The following EPHA10 variants were observed in gnomAD, a reference collection of about 807,000 sequenced individuals.
EPHA10 encodes the protein EPH receptor A10.
Under a neutral mutation model 109.7 loss-of-function variants are expected in EPHA10, and 120 were observed. The ratio of observed to expected loss-of-function variants is 1.09; its 90% CI spans 0.94 to 1.27. EPHA10 has a LOEUF of 1.27. EPHA10 is among the 50% of genes most tolerant of loss of function. The probability of loss-of-function intolerance (pLI) is 0.00; values close to 1 mark genes in which losing one functional copy is unlikely to be tolerated. For synonymous variants in EPHA10, 640 were observed against 618.9 expected (o/e 1.03, Z -0.51); for missense variants, 1,396 against 1,411.1 (o/e 0.99, Z 0.17).
Position 37,718,687 on chromosome 1 carries a change from C to T in EPHA10, c.2886G>A (p.Leu962=), listed in dbSNP as rs768484158. The change falls in exon 16 of 17, where the codon CTG becomes CTA. Residue 962 remains leucine, a synonymous_variant. Transcript: ENST00000373048. ...DSFAAAGYGS[L]EAVAEMTAQD... ...GGGCAGTCATCTCGGCCACGGCCTCCAGGCTCCCATAGCCAGCAGCCGCGA... is the reference window on the plus strand; with the variant it reads ...GGGCAGTCATCTCGGCCACGGCCTCTAGGCTCCCATAGCCAGCAGCCGCGA... 2 of 1,613,230 alleles carry T rather than the reference C, an allele frequency of 1.2e-6. No individual in the cohort carries two copies. The highest frequency in any genetic ancestry group is 1.7e-5 in the Admixed American group (1 of 60,034).
At chr1:37,722,734 C>A in intron 10 of EPHA10, 1 of 480,118 alleles carries the variant, frequency 2.1e-6, no homozygotes, top group South Asian at 1.9e-5. Flanking sequence ...CCTAAGCTTG[C>A]AAAGGCCCCT....
chr1:37,719,190 G>GT lies in EPHA10; in HGVS notation c.2756+223dup, dbSNP rs1459930395. 7 of 606,926 alleles carry GT rather than the reference G, an allele frequency of 1.2e-5. No homozygotes were observed. In the South Asian group the frequency reaches 1.2e-4, roughly 10 times the overall value. The allele number at this position is 606,926 out of a possible 1,614,324, so 37.6% of individuals were successfully genotyped here. On this transcript the variant is annotated intron_variant, in intron 15 of 16. Coordinates refer to ENST00000373048, the MANE Select transcript of EPHA10 (RefSeq NM_001099439.2). ...TCTATTTCTCCAGTCAAAGGTCATT[G>GT]TACCCGGGGATGTGGGCAAAATCCA...
At chr1:37,758,131 T>C (rs1267531131) in intron 3 of EPHA10, among the ~76,000 whole-genome samples, 1 of 152,208 alleles carries the variant, frequency 6.6e-6, no homozygotes, top group Non-Finnish European at 1.5e-5. Flanking sequence ...CTATAGAGTA[T>C]GTAAAAACAA....
rs1313862767 is a variant in EPHA10 at position 37,764,370 on chromosome 1, ACAAT to A, written c.106+587_106+590del. 6.6e-6 allele frequency among the ~76,000 whole-genome samples: 1 copy of A among 152,142 alleles called. No homozygotes were observed. Among genetic ancestry groups the A allele is most frequent in the African/African-American group, 2.4e-5 (1 of 41,440 alleles). On this transcript the variant is annotated intron_variant, in intron 1 of 16. Transcript: ENST00000373048. This position sits in a 1 kb window ranked among gnomAD's most constrained non-coding sequence, Gnocchi z 5.8. ...CTGAGCGTATAGCTCCCCTAAATGC[ACAAT>A]CAGAGGCAAGACGCGGGCTCCAGTA... is the stretch of plus-strand genomic sequence containing the variant.
At chr1:37,725,605 C>T (rs1442228567) in intron 8 of EPHA10, among the ~76,000 whole-genome samples, 1 of 151,424 alleles carries the variant, frequency 6.6e-6, no homozygotes, top group Non-Finnish European at 1.5e-5. Context: ...ATGAGAAGTC[C>T]AAGAACCGAG....
chr1:37,762,989 C>G (rs1646446735), intron 1 of EPHA10, 140 bp from the exon 2 acceptor site: 2 of 723,116 alleles, frequency 2.8e-6, no homozygotes, highest in African/African-American at 1.8e-5. Context: ...TTTTCCCACT[C>G]CATACATCCC....
chr1:37,754,189 C>A lies in EPHA10; in HGVS notation c.1006+26G>T, dbSNP rs1646372028. 1 of 1,271,586 alleles carries A rather than the reference C, an allele frequency of 7.9e-7. No individual in the cohort carries two copies. Among genetic ancestry groups the A allele is most frequent in the Admixed American group, 4.2e-5 (1 of 23,858 alleles). The allele number at this position is 1,271,586 out of a possible 1,614,324, so 78.8% of individuals were successfully genotyped here. A position where few individuals can be genotyped will look rare whatever the true frequency, so the allele number is the denominator to read the frequency against. On this transcript the variant is annotated intron_variant, in intron 4 of 16. Coordinates refer to ENST00000373048, the MANE Select transcript of EPHA10 (RefSeq NM_001099439.2). The surrounding 1 kb of genome is among the most constrained non-coding windows in gnomAD (Gnocchi z 4.5). Reference sequence around the variant, plus strand: ...GGCCACTCCCACCCCCCACCCTCCGCAGTGCAGCCTGGAGGGGGGACTCAC... The same window carrying A: ...GGCCACTCCCACCCCCCACCCTCCGAAGTGCAGCCTGGAGGGGGGACTCAC...
intron 7 of EPHA10, among the ~76,000 whole-genome samples, chr1:37,730,466 C>A (rs1457931867): frequency 6.6e-6 from 1 of 152,098 alleles, no homozygotes; most frequent in Non-Finnish European, 1.5e-5. Context: ...GGCAAAGCAA[C>A]AAGACAGCTA....
At chr1:37,758,619 A>G (rs1297945711) in intron 3 of EPHA10, among the ~76,000 whole-genome samples, 1 of 152,056 alleles carries the variant, frequency 6.6e-6, no homozygotes, top group Non-Finnish European at 1.5e-5. Flanking sequence ...GTTCTCCTCC[A>G]TACTCTGATC....
Position 37,752,885 on chromosome 1 carries a change from C to G in EPHA10, c.1348G>C (p.Gly450Arg), listed in dbSNP as rs1267725820. 2 of 1,294,868 alleles carry G rather than the reference C, an allele frequency of 1.5e-6. No individual in the cohort carries two copies. The highest frequency in any genetic ancestry group is 2.0e-6 in the Non-Finnish European group (2 of 1,025,138). 80.2% of individuals were successfully genotyped at this position (1,294,868 alleles called of 1,614,324 possible). A position where few individuals can be genotyped will look rare whatever the true frequency, so the allele number is the denominator to read the frequency against. ...GCGCGGACGGCCTTACCCCCGGGCCCGGTGGAGACGGTGACCTGCGCGTAG... is the reference window on the plus strand; with the variant it reads ...GCGCGGACGGCCTTACCCCCGGGCCGGGTGGAGACGGTGACCTGCGCGTAG... ...TTYAQVTVSTGPGAPWEEDEI... is the reference protein window; with the variant it reads ...TTYAQVTVSTRPGAPWEEDEI... The change falls in exon 5 of 17, where the codon GGG becomes CGG. Residue 450 changes from glycine (G) to arginine (R), a missense_variant. By Grantham distance (125) the Gly-to-Arg change is moderately radical (BLOSUM62 -2). Coordinates refer to ENST00000373048, the MANE Select transcript of EPHA10 (RefSeq NM_001099439.2).
At position 37,719,047 on chromosome 1, in the gene EPHA10, G is replaced by C. The variant is rs949228215; in HGVS notation, c.2757-231C>G. The C allele has an allele frequency of 4.8e-6, 3 of 622,076 alleles. No homozygotes were observed. The African/African-American group carries it at 5.5e-5, about 11-fold the overall frequency. 38.5% of individuals were successfully genotyped at this position (622,076 alleles called of 1,614,324 possible). A position where few individuals can be genotyped will look rare whatever the true frequency, so the allele number is the denominator to read the frequency against. ...CCAGCTAAAGGTATTGGCGTATCCG[G>C]AACAGTCTGGGGTAGGACACGCCTA... is the stretch of plus-strand genomic sequence containing the variant. On this transcript the variant is annotated intron_variant, in intron 15 of 16. Transcript: ENST00000373048.
At chr1:37,751,815 G>A (rs945632547) in intron 5 of EPHA10, among the ~76,000 whole-genome samples, 3 of 151,146 alleles carry the variant, frequency 2.0e-5, no homozygotes, top group Admixed American at 6.6e-5. Flanking sequence ...AGAGGTTGCA[G>A]TGAATCAAGA....
chr1:37,762,638 C>G lies in EPHA10; in HGVS notation c.171+147G>C, dbSNP rs528945666. 6.5e-4 allele frequency: 293 copies of G among 453,106 alleles called. 1 individual carries two copies. The highest frequency in any genetic ancestry group is 8.9e-4 in the Non-Finnish European group (247 of 276,228). 28.1% of individuals were successfully genotyped at this position (453,106 alleles called of 1,614,324 possible). ...TGGCTGAAGACTCAATGTTTTCTAA[C>G]AGGCCACTCTGGCTTGAAGCCAGGG... On this transcript the variant is annotated intron_variant, in intron 2 of 16. Transcript: ENST00000373048.
At chr1:37,750,712 T>A (rs1036815166) in intron 5 of EPHA10, among the ~76,000 whole-genome samples, 4 of 152,008 alleles carry the variant, frequency 2.6e-5, no homozygotes, top group Admixed American at 2.6e-4. Context: ...CCTGAGCACC[T>A]GGTACTACAG....
At position 37,724,724 on chromosome 1, in the gene EPHA10, G is replaced by A. The variant is rs570064716; in HGVS notation, c.1773-1352C>T. ...ATGTAGATACAGATGGGAAGGAGGA[G>A]CTAGGCTGTCACACAGGGGGAAGCG... On this transcript the variant is annotated intron_variant, in intron 8 of 16. Transcript: ENST00000373048. 1.2e-4 allele frequency among the ~76,000 whole-genome samples: 19 copies of A among 152,312 alleles called. No individual in the cohort carries two copies. In the South Asian group the frequency reaches 1.7e-3, roughly 13 times the overall value.
intron 5 of EPHA10, among the ~76,000 whole-genome samples, chr1:37,749,179 T>A (rs1436815869): frequency 1.3e-5 from 2 of 151,138 alleles, no homozygotes; most frequent in Non-Finnish European, 3.0e-5. Context: ...TGCCTCGGCC[T>A]CCCAAAGTGC....
At chr1:37,719,125 G>A (rs1257335490) in intron 15 of EPHA10, 1 of 590,828 alleles carries the variant, frequency 1.7e-6, no homozygotes, top group Non-Finnish European at 3.0e-6. Context: ...TCACATATTT[G>A]ATTCATTGGA....
At chr1:37,757,602 G>A (rs1646400289) in intron 3 of EPHA10, among the ~76,000 whole-genome samples, 1 of 152,206 alleles carries the variant, frequency 6.6e-6, no homozygotes, top group Non-Finnish European at 1.5e-5. Flanking sequence ...CCAAGGCAGA[G>A]CTGAGGCCAT....
chr1:37,741,420 C>A (rs1444244019), intron 5 of EPHA10, among the ~76,000 whole-genome samples: 2 of 152,178 alleles, frequency 1.3e-5, no homozygotes, highest in East Asian at 3.8e-4. Context: ...GTGGCTCAGG[C>A]TCTGACAAGT....
Sources: gnomAD v4.1 joint callset for allele counts (sites outside exome capture counted in the v4.1 genomes callset) on GRCh38, gnomAD v4.1.1 for gene constraint, Gnocchi (gnomAD v3.1) non-coding constraint, MANE v1.5 for transcripts, NCBI Gene and HGNC (gene_info 2026-07-23, HGNC 2026-07-21) for gene names.